TEX2: variants seen among roughly 807,000 people sequenced by gnomAD.
TEX2 encodes the protein testis expressed 2.
In TEX2, 53 loss-of-function variants were observed where a neutral mutation model predicts 106.9. That is an observed-to-expected ratio of 0.50 (90% confidence interval 0.40 to 0.62). TEX2 has a LOEUF of 0.62. Ranked by LOEUF, TEX2 falls within the 20% of genes least tolerant of loss-of-function variation. TEX2 has a pLI of 0.00. For missense variants in TEX2, 1,207 were observed against 1,379.0 expected (o/e 0.88, Z 1.98); for synonymous variants, 523 against 534.8 (o/e 0.98, Z 0.30).
chr17:64,237,059 G>A (rs2033786027), intron 1 of TEX2, among the ~76,000 whole-genome samples: 1 of 152,236 alleles, frequency 6.6e-6, no homozygotes, highest in Non-Finnish European at 1.5e-5. Flanking sequence ...AGGAAGTGAT[G>A]TGAAGGGCAC....
intron 2 of TEX2, among the ~76,000 whole-genome samples, chr17:64,206,546 CTTACTTT>C (rs2032836066): frequency 4.9e-5 from 6 of 123,254 alleles, no homozygotes; most frequent in Admixed American, 4.5e-4. Flanking sequence ...ACATAGAGGT[CTTACTTT>C]TTTTTTTTTT....
At chr17:64,194,477 G>A (rs180805698) in intron 3 of TEX2, among the ~76,000 whole-genome samples, 1 of 152,254 alleles carries the variant, frequency 6.6e-6, no homozygotes, top group East Asian at 1.9e-4. Context: ...TAGTTATTTT[G>A]CATATCTATC....
At chr17:64,216,326 T>G (rs2033183956) in intron 1 of TEX2, among the ~76,000 whole-genome samples, 1 of 152,098 alleles carries the variant, frequency 6.6e-6, no homozygotes, top group South Asian at 2.1e-4. Context: ...AAAAAGAAAA[T>G]TATAGAGGTA....
rs779291146 is a variant in TEX2, at chr17:64,149,098, GA to G, written c.3262-8del. On this transcript the variant is annotated splice_region_variant and splice_polypyrimidine_tract_variant and intron_variant, in intron 11 of 11. Coordinates refer to ENST00000584379, the MANE Select transcript of TEX2 (RefSeq NM_001288732.2). ...TTGGCATGACAAAAACTTTCTGTAG[GA>G]AGATATTAAAGAACAGCTATGTGGA... 8 of 1,613,532 alleles carry G rather than the reference GA, an allele frequency of 5.0e-6. No individual in the cohort carries two copies. The South Asian group carries it at 8.8e-5, about 18-fold the overall frequency.
At chr17:64,190,414 C>T (rs1187865419) in intron 4 of TEX2, among the ~76,000 whole-genome samples, 3 of 152,082 alleles carry the variant, frequency 2.0e-5, no homozygotes, top group African/African-American at 7.2e-5. Flanking sequence ...ATGAAATAAA[C>T]AGGGCAGCAT....
At chr17:64,173,511 G>T (rs1183632742) in intron 6 of TEX2, among the ~76,000 whole-genome samples, 1 of 152,196 alleles carries the variant, frequency 6.6e-6, no homozygotes, top group Non-Finnish European at 1.5e-5. Flanking sequence ...ACCAATCAGA[G>T]AATGTAATCT....
intron 1 of TEX2, among the ~76,000 whole-genome samples, chr17:64,252,302 C>A (rs901708921): frequency 3.3e-5 from 5 of 152,114 alleles, no homozygotes; most frequent in Non-Finnish European, 7.4e-5. Context: ...CTAAAAACTA[C>A]TTAACCTCTC....
chr17:64,177,146 G>C lies in TEX2; in HGVS notation c.2571+179C>G, dbSNP rs554201071. 4.5e-4 allele frequency among the ~76,000 whole-genome samples: 69 copies of C among 152,308 alleles called. No individual in the cohort carries two copies. Among genetic ancestry groups the C allele is most frequent in the African/African-American group, 1.6e-3 (65 of 41,556 alleles). On this transcript the variant is annotated intron_variant, in intron 6 of 11. Transcript: ENST00000584379. ...AACATTAATGTTCACTAAGCCCCCA[G>C]ATGCAATTAATCATAAGGTCAGTCT...
chr17:64,168,729 G>C (rs1377586761), intron 7 of TEX2, among the ~76,000 whole-genome samples: 1 of 152,110 alleles, frequency 6.6e-6, no homozygotes, highest in South Asian at 2.1e-4. Flanking sequence ...GTTTCTTTAA[G>C]CCTCACATGA....
chr17:64,218,450 G>C (rs1183775246), intron 1 of TEX2, among the ~76,000 whole-genome samples: 2 of 123,502 alleles, frequency 1.6e-5, no homozygotes, highest in African/African-American at 6.7e-5. Flanking sequence ...ACAGAGTCTT[G>C]CTCTGTCACC....
In TEX2 at chr17:64,219,304, G is replaced by C. The variant is rs143186047; in HGVS notation, c.-25-5062C>G. Among the ~76,000 whole-genome samples, 10 of 152,012 alleles carry C rather than the reference G, an allele frequency of 6.6e-5. No individual in the cohort carries two copies. The East Asian group carries it at 1.9e-3, about 29-fold the overall frequency. The stretch of plus-strand genomic sequence containing the variant: ...GTGGATCCCTTGAGGTCAGGAATTC[G>C]AGACCAGCCTGGCCAACATGGCAAA... On this transcript the variant is annotated intron_variant, in intron 1 of 11. Transcript: ENST00000584379.
intron 9 of TEX2, among the ~76,000 whole-genome samples, chr17:64,154,001 T>C (rs2030490000): frequency 6.6e-6 from 1 of 152,150 alleles, no homozygotes; most frequent in Admixed American, 6.5e-5. Flanking sequence ...AAATAAGCTG[T>C]TGTATCAGGT....
chr17:64,148,923 A>C lies in TEX2; in HGVS notation c.*46T>G, dbSNP rs2030197570. On this transcript the variant is annotated 3_prime_UTR_variant, in exon 12 of 12. Transcript: ENST00000584379. ...TACAGATGGCGGCCAAGAACCCCAC[A>C]CATCCAGCTCGATGTCACAATATGG... 1 of 1,611,494 alleles carries C rather than the reference A, an allele frequency of 6.2e-7. No homozygotes were observed.
intron 2 of TEX2, among the ~76,000 whole-genome samples, chr17:64,198,544 T>A (rs2032552904): frequency 7.3e-6 from 1 of 136,188 alleles, no homozygotes. Flanking sequence ...ATACAGTCCC[T>A]GCATGCAATT....
intron 1 of TEX2, among the ~76,000 whole-genome samples, chr17:64,231,818 T>A (rs1316973109): frequency 6.6e-6 from 1 of 152,234 alleles, no homozygotes; most frequent in African/African-American, 2.4e-5. Context: ...TTACATATAA[T>A]GCAGATAATA....
In TEX2 at chr17:64,244,058, C is replaced by A. The variant is rs577098793; in HGVS notation, c.-26+19110G>T. On this transcript the variant is annotated intron_variant, in intron 1 of 11. Transcript: ENST00000584379. ...TCCTGACCTCGTGATCCGCCCGCCT[C>A]GGTTTCCCAAAGTGCTGGGATTACA... is the stretch of plus-strand genomic sequence containing the variant. 9.2e-5 allele frequency among the ~76,000 whole-genome samples: 14 copies of A among 152,218 alleles called. No homozygotes were observed. In the South Asian group the frequency reaches 1.9e-3, roughly 20 times the overall value.
intron 1 of TEX2, among the ~76,000 whole-genome samples, chr17:64,222,326 C>T (rs577448517): frequency 3.3e-5 from 5 of 152,086 alleles, no homozygotes; most frequent in South Asian, 4.2e-4. Flanking sequence ...TGAGACCATC[C>T]TGGCCAACAT....
intron 4 of TEX2, among the ~76,000 whole-genome samples, chr17:64,193,302 T>C (rs565290345): frequency 6.0e-4 from 92 of 152,272 alleles, no homozygotes; most frequent in African/African-American, 2.0e-3. Flanking sequence ...TCACATTATA[T>C]ACAAATAAAA....
In TEX2 at chr17:64,232,701, C is replaced by A. The variant is rs766194394; in HGVS notation, c.-25-18459G>T. On this transcript the variant is annotated intron_variant, in intron 1 of 11. Transcript: ENST00000584379. ...AAACTCCTATTATGTCATCCACAGC[C>A]AATCAGAACGTGGAGTCAGCATGAA... Among the ~76,000 whole-genome samples the A allele has an allele frequency of 2.6e-4, 39 of 152,204 alleles. 1 individual carries two copies. The highest frequency in any genetic ancestry group is 1.3e-4 in the Non-Finnish European group (9 of 68,044).
Sources: gnomAD v4.1 joint callset for allele counts (sites outside exome capture counted in the v4.1 genomes callset) on GRCh38, gnomAD v4.1.1 for gene constraint, MANE v1.5 for transcripts, NCBI Gene and HGNC (gene_info 2026-07-23, HGNC 2026-07-21) for gene names.